Variants in ZNF804A observed in about 807,000 individuals in gnomAD.
ZNF804A encodes the protein zinc finger protein 804A.
ZNF804A carries 2 observed loss-of-function variants against 16.5 expected under a neutral mutation model. That is an observed-to-expected ratio of 0.12 (90% CI 0.05 to 0.38). The LOEUF is 0.38. Among genes scored for constraint, ZNF804A ranks in the 10% least tolerant of loss-of-function variants. The probability of loss-of-function intolerance (pLI) is 0.99; values close to 1 mark genes in which losing one functional copy is unlikely to be tolerated. For synonymous variants in ZNF804A, 534 were observed against 489.6 expected (o/e 1.09, Z -1.20); for missense variants, 1,473 against 1,390.7 (o/e 1.06, Z -0.94).
intron 1 of ZNF804A, among the ~76,000 whole-genome samples, chr2:184,721,538 A>T (rs1693315087): frequency 6.6e-6 from 1 of 152,158 alleles, no homozygotes; most frequent in South Asian, 2.1e-4. Context: ...ATGAGTTATC[A>T]TCTTACTCCT....
intron 2 of ZNF804A, among the ~76,000 whole-genome samples, chr2:184,915,470 T>TCTCA (rs1370927743): frequency 6.6e-6 from 1 of 152,094 alleles, no homozygotes; most frequent in Admixed American, 6.6e-5. Flanking sequence ...TTTCTATTAC[T>TCTCA]CTCACTGTAC....
chr2:184,858,535 A>G (rs1364305015), intron 1 of ZNF804A, among the ~76,000 whole-genome samples: 2 of 151,856 alleles, frequency 1.3e-5, no homozygotes, highest in Non-Finnish European at 2.9e-5. Context: ...CAACAACTTA[A>G]ATTTGAGAGC....
chr2:184,684,252 T>C (rs1047302179), intron 1 of ZNF804A, among the ~76,000 whole-genome samples: 11 of 152,166 alleles, frequency 7.2e-5, no homozygotes, highest in African/African-American at 2.4e-4. Context: ...AAGAACAAAG[T>C]GCCTGAATTT....
chr2:184,726,802 G>A (rs1173299404), intron 1 of ZNF804A, among the ~76,000 whole-genome samples: 1 of 151,398 alleles, frequency 6.6e-6, no homozygotes, highest in Admixed American at 6.6e-5. Context: ...TTAGGTCTTA[G>A]GAAAGTATAT....
At chr2:184,622,643 G>C (rs1037797118) in intron 1 of ZNF804A, among the ~76,000 whole-genome samples, 1 of 151,686 alleles carries the variant, frequency 6.6e-6, no homozygotes, top group Non-Finnish European at 1.5e-5. Context: ...CATCTTATTA[G>C]TTTTTAAGTT....
chr2:184,843,039 T>C (rs1301509584), intron 1 of ZNF804A, among the ~76,000 whole-genome samples: 1 of 152,116 alleles, frequency 6.6e-6, no homozygotes, highest in African/African-American at 2.4e-5. Context: ...TCAGTCAGAA[T>C]AGCAGATGCT....
At chr2:184,760,796 G>T (rs528948692) in intron 1 of ZNF804A, among the ~76,000 whole-genome samples, 1 of 152,132 alleles carries the variant, frequency 6.6e-6, no homozygotes, top group South Asian at 2.1e-4. Context: ...TTATATAGTA[G>T]CTTTTCTTTT....
At chr2:184,648,883 C>T (rs1691928920) in intron 1 of ZNF804A, among the ~76,000 whole-genome samples, 2 of 152,018 alleles carry the variant, frequency 1.3e-5, no homozygotes, top group Admixed American at 1.3e-4. Context: ...ATTATTGAGG[C>T]AGAAAATTAA....
intron 1 of ZNF804A, among the ~76,000 whole-genome samples, chr2:184,674,430 CAAAT>C (rs1692388190): frequency 1.3e-5 from 2 of 151,524 alleles, no homozygotes; most frequent in African/African-American, 4.8e-5. Context: ...CAGAAAATCA[CAAAT>C]AAAAAAGAGA....
At chr2:184,688,202 A>T (rs962378407) in intron 1 of ZNF804A, among the ~76,000 whole-genome samples, 1 of 152,152 alleles carries the variant, frequency 6.6e-6, no homozygotes, top group African/African-American at 2.4e-5. Context: ...AATCATATAT[A>T]TTCAATATAG....
chr2:184,653,245 G>T (rs971610379), intron 1 of ZNF804A, among the ~76,000 whole-genome samples: 39 of 152,106 alleles, frequency 2.6e-4, no homozygotes, highest in Non-Finnish European at 1.8e-4. Context: ...GGCTTGTTAA[G>T]AATTAAAAAC....
chr2:184,784,825 T>C (rs1049501540), intron 1 of ZNF804A, among the ~76,000 whole-genome samples: 11 of 151,994 alleles, frequency 7.2e-5, no homozygotes, highest in Non-Finnish European at 2.9e-5. Flanking sequence ...AATATAAGCA[T>C]TGTAAAAACA....
In ZNF804A at chr2:184,669,942, TTAA is replaced by T. The variant is rs1469541416; in HGVS notation, c.111+70874_111+70876del. On this transcript the variant is annotated intron_variant, in intron 1 of 3. Transcript: ENST00000302277. ...TTCTCTTACTAAGTTGTATTGTTTG[TTAA>T]TTATTTCAGTGATGGTCTGTGGCTT... is the stretch of plus-strand genomic sequence containing the variant. Among the ~76,000 whole-genome samples the T allele has an allele frequency of 7.2e-5, 11 of 152,290 alleles. 1 individual carries two copies. The South Asian group carries it at 1.2e-3, about 17-fold the overall frequency.
intron 1 of ZNF804A, among the ~76,000 whole-genome samples, chr2:184,616,430 G>A (rs1358042875): frequency 1.3e-5 from 2 of 152,092 alleles, no homozygotes; most frequent in African/African-American, 2.4e-5. Context: ...TGTGTGAATG[G>A]CATTGTTGTA....
chr2:184,898,269 C>A (rs867559946), intron 2 of ZNF804A, among the ~76,000 whole-genome samples: 34 of 152,000 alleles, frequency 2.2e-4, no homozygotes, highest in Middle Eastern at 3.2e-3. Flanking sequence ...TATTCTCATA[C>A]TTTGTATAAA....
At chr2:184,856,826 T>A (rs1335588357) in intron 1 of ZNF804A, among the ~76,000 whole-genome samples, 4 of 152,262 alleles carry the variant, frequency 2.6e-5, no homozygotes, top group Admixed American at 1.3e-4. Context: ...TCTCATTATG[T>A]ACATGCACAT....
At chr2:184,920,811 A>G (rs966901986) in intron 2 of ZNF804A, among the ~76,000 whole-genome samples, 1 of 152,192 alleles carries the variant, frequency 6.6e-6, no homozygotes, top group East Asian at 1.9e-4. Context: ...CAGTCCTACT[A>G]CCACAAGGAA....
At chr2:184,690,451 G>A (rs966439703) in intron 1 of ZNF804A, among the ~76,000 whole-genome samples, 1 of 151,932 alleles carries the variant, frequency 6.6e-6, no homozygotes, top group Non-Finnish European at 1.5e-5. Flanking sequence ...TGAATAATCT[G>A]ATAAACTACA....
chr2:184,716,232 A>T (rs1341686367), intron 1 of ZNF804A, among the ~76,000 whole-genome samples: 1 of 152,136 alleles, frequency 6.6e-6, no homozygotes, highest in African/African-American at 2.4e-5. Context: ...CATTTTCATG[A>T]TTATGAATGT....
Sources: gnomAD v4.1 joint callset for allele counts (sites outside exome capture counted in the v4.1 genomes callset) on GRCh38, gnomAD v4.1.1 for gene constraint, MANE v1.5 for transcripts, NCBI Gene and HGNC (gene_info 2026-07-23, HGNC 2026-07-21) for gene names.